The following SLC9A2 variants were observed in gnomAD, a reference collection of about 807,000 sequenced individuals.
The protein encoded by SLC9A2 is sodium/hydrogen exchanger 2.
A neutral mutation model predicts 71.7 loss-of-function variants in SLC9A2; 42 were observed. The observed-to-expected ratio is 0.59, with a 90% confidence interval of 0.46 to 0.76. The LOEUF is 0.76. SLC9A2 is among the 30% of genes least tolerant of loss of function. SLC9A2 has a pLI of 0.00. For synonymous variants in SLC9A2, 396 were observed against 392.5 expected (o/e 1.01, Z -0.10); for missense variants, 829 against 1,017.4 (o/e 0.81, Z 2.52).
rs76467411 is a variant in SLC9A2, at chr2:102,660,990, G to A, written c.753+2963G>A. On this transcript the variant is annotated intron_variant, in intron 2 of 11. Coordinates refer to ENST00000233969, the MANE Select transcript of SLC9A2 (RefSeq NM_003048.6). ...AACATTGAGCTAGAAAAGCTGAAGC[G>A]AAGAAAACTTAGCATGAAAATGTCT... is the stretch of plus-strand genomic sequence containing the variant. Among the ~76,000 whole-genome samples, 243 of 152,246 alleles carry A rather than the reference G, an allele frequency of 1.6e-3. 10 individuals carry two copies. In the East Asian group the frequency reaches 0.043, roughly 27 times the overall value.
intron 3 of SLC9A2, among the ~76,000 whole-genome samples, chr2:102,666,796 G>A (rs935944798): frequency 6.6e-6 from 1 of 152,050 alleles, no homozygotes; most frequent in African/African-American, 2.4e-5. Context: ...ACTTAGTAAT[G>A]GAATGCTTTT....
intron 1 of SLC9A2, among the ~76,000 whole-genome samples, chr2:102,627,531 T>G (rs550299021): frequency 1.3e-5 from 2 of 152,288 alleles, no homozygotes; most frequent in East Asian, 1.9e-4. Flanking sequence ...TTTTAAAAAT[T>G]TATTGGAAGT....
intron 10 of SLC9A2, 77 bp from the exon 11 acceptor site, chr2:102,705,769 C>A (rs918178600): frequency 2.5e-6 from 2 of 798,256 alleles, no homozygotes; most frequent in African/African-American, 1.8e-5. Flanking sequence ...TGAAGTTTTG[C>A]TATACAATTT....
At chr2:102,655,226 T>G (rs1333076274) in intron 1 of SLC9A2, among the ~76,000 whole-genome samples, 1 of 151,030 alleles carries the variant, frequency 6.6e-6, no homozygotes, top group Non-Finnish European at 1.5e-5. Context: ...TTTTTTTTTT[T>G]GAGTTCAACT....
intron 1 of SLC9A2, among the ~76,000 whole-genome samples, chr2:102,630,220 G>T (rs73947620): frequency 6.6e-6 from 1 of 151,856 alleles, no homozygotes; most frequent in East Asian, 1.9e-4. Context: ...TCTGCCTTCC[G>T]GATTCTTTTT....
At chr2:102,706,480 C>T (rs1480423338) in intron 11 of SLC9A2, among the ~76,000 whole-genome samples, 1 of 151,872 alleles carries the variant, frequency 6.6e-6, no homozygotes, top group Non-Finnish European at 1.5e-5. Flanking sequence ...ATGTAAATGG[C>T]GAGTTCATGG....
intron 3 of SLC9A2, among the ~76,000 whole-genome samples, chr2:102,666,234 C>T (rs1429186537): frequency 1.5e-5 from 2 of 137,212 alleles, no homozygotes; most frequent in Admixed American, 8.0e-5. Context: ...CTCGCTCTCT[C>T]GCCTAGGCTT....
Position 102,667,714 on chromosome 2 carries a change from T to A in SLC9A2, c.1004+2364T>A, listed in dbSNP as rs532914274. On this transcript the variant is annotated intron_variant, in intron 3 of 11. Coordinates refer to ENST00000233969, the MANE Select transcript of SLC9A2 (RefSeq NM_003048.6). Reference sequence around the variant, plus strand: ...TGGTTCGTGGGCCTTTGTTTCCAACTTCAAAGTGAAGATTTTCTTGACAAC... The same window carrying A: ...TGGTTCGTGGGCCTTTGTTTCCAACATCAAAGTGAAGATTTTCTTGACAAC... 2.0e-5 allele frequency among the ~76,000 whole-genome samples: 3 copies of A among 152,324 alleles called. No individual in the cohort carries two copies. In the South Asian group the frequency reaches 6.2e-4, roughly 32 times the overall value.
chr2:102,687,100 A>G (rs1280917376), intron 5 of SLC9A2, among the ~76,000 whole-genome samples: 1 of 152,170 alleles, frequency 6.6e-6, no homozygotes, highest in Non-Finnish European at 1.5e-5. Context: ...GTTCACTTGG[A>G]TATCCACAGA....
chr2:102,688,698 A>T (rs950276306), intron 5 of SLC9A2, among the ~76,000 whole-genome samples: 2 of 152,216 alleles, frequency 1.3e-5, no homozygotes, highest in African/African-American at 2.4e-5. Context: ...ACTGCACTCC[A>T]GCCTGGCGAC....
chr2:102,632,525 T>C lies in SLC9A2; in HGVS notation c.289+12388T>C, dbSNP rs768734503. On this transcript the variant is annotated intron_variant, in intron 1 of 11. Coordinates refer to ENST00000233969, the MANE Select transcript of SLC9A2 (RefSeq NM_003048.6). Reference sequence around the variant, plus strand: ...TGATGCGCTTCCTGCAACAGTCCTGTGCATTGTTTATCACTGCACATGGGC... The same window carrying C: ...TGATGCGCTTCCTGCAACAGTCCTGCGCATTGTTTATCACTGCACATGGGC... Among the ~76,000 whole-genome samples, 6 of 152,118 alleles carry C rather than the reference T, an allele frequency of 3.9e-5. 1 individual carries two copies. Among genetic ancestry groups the C allele is most frequent in the African/African-American group, 9.7e-5 (4 of 41,430 alleles).
intron 2 of SLC9A2, among the ~76,000 whole-genome samples, chr2:102,662,873 AGAGCAAAGAAGAGAT>A (rs1163391837): frequency 6.6e-6 from 1 of 152,134 alleles, no homozygotes; most frequent in Non-Finnish European, 1.5e-5. Flanking sequence ...CAGTGGGATT[AGAGCAAAGAAGAGAT>A]GAGCCTCCTA....
intron 2 of SLC9A2, among the ~76,000 whole-genome samples, chr2:102,660,778 C>T (rs1034423617): frequency 9.2e-5 from 14 of 151,884 alleles, no homozygotes; most frequent in African/African-American, 2.7e-4. Context: ...AAGGAACTCA[C>T]GGACTTTGGA....
chr2:102,664,553 G>A (rs1438643922), intron 2 of SLC9A2, among the ~76,000 whole-genome samples: 1 of 151,950 alleles, frequency 6.6e-6, no homozygotes, highest in Non-Finnish European at 1.5e-5. Flanking sequence ...ACATGTATGT[G>A]TGGGCGGGGA....
chr2:102,638,513 G>A (rs1426853243), intron 1 of SLC9A2, among the ~76,000 whole-genome samples: 1 of 152,244 alleles, frequency 6.6e-6, no homozygotes, highest in African/African-American at 2.4e-5. Flanking sequence ...ATTGCACTCA[G>A]GAGGCACTGT....
At chr2:102,659,376 G>A (rs972795964) in intron 2 of SLC9A2, among the ~76,000 whole-genome samples, 1 of 152,092 alleles carries the variant, frequency 6.6e-6, no homozygotes, top group Non-Finnish European at 1.5e-5. Flanking sequence ...GTGAGGCGGA[G>A]GTTGCAATGA....
chr2:102,642,505 C>A (rs1573403563), intron 1 of SLC9A2, among the ~76,000 whole-genome samples: 1 of 152,192 alleles, frequency 6.6e-6, no homozygotes, highest in African/African-American at 2.4e-5. Context: ...ACCAGCCTTG[C>A]ATCCCTGGAA....
Position 102,708,486 on chromosome 2 carries a change from T to G in SLC9A2, c.2436T>G (p.Pro812=). 1.2e-6 allele frequency: 2 copies of G among 1,613,078 alleles called. No individual in the cohort carries two copies. Among genetic ancestry groups the G allele is most frequent in the Non-Finnish European group, 1.7e-6 (2 of 1,179,482 alleles). ...SRKARFGSEK[P] ...AAGCCCGATTTGGGAGTGAGAAGCC[T>G]TAAGAGAAGCAGCGAAAGCAGATCT... The change falls in exon 12 of 12, where the codon CCT becomes CCG. Residue 812 remains proline (P), a synonymous_variant. Coordinates refer to ENST00000233969, the MANE Select transcript of SLC9A2 (RefSeq NM_003048.6).
chr2:102,632,240 A>G (rs923202619), intron 1 of SLC9A2, among the ~76,000 whole-genome samples: 1 of 123,464 alleles, frequency 8.1e-6, no homozygotes, highest in African/African-American at 4.4e-5. Context: ...TATATAATAC[A>G]TATATATATA....
Sources: gnomAD v4.1 joint callset for allele counts (sites outside exome capture counted in the v4.1 genomes callset) on GRCh38, gnomAD v4.1.1 for gene constraint, MANE v1.5 for transcripts, NCBI Gene and HGNC (gene_info 2026-07-23, HGNC 2026-07-21) for gene names.